The following TNPO1 variants were observed in gnomAD, a reference collection of about 807,000 sequenced individuals.
TNPO1 encodes the protein transportin 1.
TNPO1 carries 8 observed loss-of-function variants against 119.5 expected under a neutral mutation model. That is an observed-to-expected ratio of 0.07 (90% CI 0.04 to 0.12). The LOEUF is 0.12. TNPO1 is among the 10% of genes least tolerant of loss of function. The pLI, the probability that TNPO1 is intolerant of heterozygous loss-of-function variation, is 1.00. For synonymous variants in TNPO1, 362 were observed against 363.0 expected, an observed-to-expected ratio of 1.00 and a Z score of 0.03; for missense variants, 576 against 1,089.8, an observed-to-expected ratio of 0.53 and a Z score of 6.64.
At position 72,911,720 on chromosome 5, in the gene TNPO1, C is replaced by T. The variant is rs1354873128; in HGVS notation, c.*3047C>T. ...GCTTACTTCATCTGCTCCTTACACACTAAAATGCTGTTAGTGTGCTCAACT... is the reference window on the plus strand; with the variant it reads ...GCTTACTTCATCTGCTCCTTACACATTAAAATGCTGTTAGTGTGCTCAACT... On this transcript the variant is annotated 3_prime_UTR_variant, in exon 25 of 25. Transcript: ENST00000337273. 6.6e-6 allele frequency: 1 copy of T among 152,566 alleles called. No homozygotes were observed. Among genetic ancestry groups the T allele is most frequent in the Non-Finnish European group, 1.5e-5 (1 of 67,950 alleles). 9.5% of individuals were successfully genotyped at this position (152,566 alleles called of 1,614,324 possible).
intron 1 of TNPO1, among the ~76,000 whole-genome samples, chr5:72,846,746 G>C (rs1745147335): frequency 6.6e-6 from 1 of 152,176 alleles, no homozygotes; most frequent in South Asian, 2.1e-4. Context: ...TGGTTACACA[G>C]ATGGGTTCAC....
chr5:72,841,586 G>A (rs1249236405), intron 1 of TNPO1, among the ~76,000 whole-genome samples: 5 of 151,790 alleles, frequency 3.3e-5, no homozygotes, highest in African/African-American at 9.7e-5. Flanking sequence ...TGATCCGCCC[G>A]CCTCGGCTTC....
intron 1 of TNPO1, among the ~76,000 whole-genome samples, chr5:72,830,553 A>C (rs1238174714): frequency 6.6e-6 from 1 of 152,194 alleles, no homozygotes; most frequent in East Asian, 1.9e-4. Flanking sequence ...GAGATCCTGC[A>C]CATACAAGCA....
At chr5:72,888,367 A>T in intron 13 of TNPO1, 64 bp downstream of exon 13, 1 of 1,405,606 alleles carries the variant, frequency 7.1e-7, no homozygotes. Context: ...CAACCTTCTG[A>T]TGGAGTGTTG....
At position 72,883,042 on chromosome 5, in the gene TNPO1, A is replaced by G. The variant is rs557453986; in HGVS notation, c.982-22A>G. On this transcript the variant is annotated intron_variant, in intron 10 of 24. Transcript: ENST00000337273. ...TAGCCTATAATGAATGCCACCAAAA[A>G]TTTCTCTTAAAAAAACAACAGGGTG... is the stretch of plus-strand genomic sequence containing the variant. The G allele has an allele frequency of 8.1e-5, 130 of 1,597,018 alleles. 1 individual carries two copies. In the Admixed American group the frequency reaches 8.5e-4, roughly 10 times the overall value.
chr5:72,861,565 C>A (rs570503593), intron 4 of TNPO1, among the ~76,000 whole-genome samples: 1 of 152,214 alleles, frequency 6.6e-6, no homozygotes, highest in East Asian at 1.9e-4. Context: ...TCACGCCCAG[C>A]TGATTTTCTT....
intron 16 of TNPO1, 34 bp from the exon 17 acceptor site, chr5:72,893,343 C>T (rs574912120): frequency 1.2e-6 from 2 of 1,607,460 alleles, no homozygotes; most frequent in African/African-American, 2.7e-5. Flanking sequence ...TTAATTAAAA[C>T]CAAACTTACA....
intron 1 of TNPO1, among the ~76,000 whole-genome samples, chr5:72,821,119 A>G (rs1464100140): frequency 6.6e-6 from 1 of 152,214 alleles, no homozygotes; most frequent in Non-Finnish European, 1.5e-5. Context: ...ACAAGCAAAA[A>G]AATATGTGTT....
chr5:72,838,658 A>T (rs769527828), intron 1 of TNPO1, among the ~76,000 whole-genome samples: 69 of 152,154 alleles, frequency 4.5e-4, no homozygotes, highest in Non-Finnish European at 7.5e-4. Flanking sequence ...TCTTTTATGC[A>T]TGTCATCATA....
chr5:72,882,654 T>C (rs1162401124), intron 10 of TNPO1, 127 bp downstream of exon 10: 7 of 628,676 alleles, frequency 1.1e-5, no homozygotes, highest in Non-Finnish European at 1.9e-5. Flanking sequence ...TTATCCATAA[T>C]AGGATAGAAG....
intron 6 of TNPO1, among the ~76,000 whole-genome samples, chr5:72,865,985 T>G (rs1162709285): frequency 6.6e-6 from 1 of 152,258 alleles, no homozygotes; most frequent in African/African-American, 2.4e-5. Flanking sequence ...TCATGATAGT[T>G]AACAGGCATC....
chr5:72,853,782 A>G (rs1449969447), intron 3 of TNPO1, among the ~76,000 whole-genome samples: 2 of 152,174 alleles, frequency 1.3e-5, no homozygotes, highest in Admixed American at 6.5e-5. Context: ...TCTTAAATGA[A>G]AATGCTTATG....
intron 11 of TNPO1, among the ~76,000 whole-genome samples, chr5:72,883,997 G>A (rs1455158868): frequency 6.6e-6 from 1 of 151,676 alleles, no homozygotes; most frequent in Non-Finnish European, 1.5e-5. Flanking sequence ...CGATCCACCC[G>A]CCTTGCCCTC....
chr5:72,883,046 C>G lies in TNPO1; in HGVS notation c.982-18C>G, dbSNP rs115115607. ...CTATAATGAATGCCACCAAAAATTTCTCTTAAAAAAACAACAGGGTGATGT... is the reference window on the plus strand; with the variant it reads ...CTATAATGAATGCCACCAAAAATTTGTCTTAAAAAAACAACAGGGTGATGT... On this transcript the variant is annotated intron_variant, in intron 10 of 24. Transcript: ENST00000337273. The G allele has an allele frequency of 1.2e-6, 2 of 1,601,186 alleles. No homozygotes were observed. The highest frequency in any genetic ancestry group is 8.5e-7 in the Non-Finnish European group (1 of 1,170,852).
chr5:72,906,275 CTTTTTTTTTTTTTTTTTTTTT>C (rs869051297), intron 24 of TNPO1, among the ~76,000 whole-genome samples: 53 of 54,700 alleles, frequency 9.7e-4, no homozygotes, highest in Middle Eastern at 0.016. Context: ...TTTTTTTTTT[CTTTTTTTTTTTTTTTTTTTTT>C]TTTTTTTTTT....
chr5:72,820,715 C>G (rs1743920327), intron 1 of TNPO1, among the ~76,000 whole-genome samples: 1 of 152,126 alleles, frequency 6.6e-6, no homozygotes. Context: ...ACTTTTATAT[C>G]ATATACATAT....
At position 72,900,071 on chromosome 5, in the gene TNPO1, A is replaced by G; in HGVS notation, c.2404A>G (p.Ile802Val). Residue 802 changes from isoleucine (I) to valine (V), a missense_variant, in exon 21 of 25, where the codon ATA becomes GTA. Physicochemically the swap from Ile to Val is conservative, Grantham distance 29 (BLOSUM62 3). Transcript: ENST00000337273. ...GGTGGCCCCCATGCTACAGCAGTTT[A>G]TAAGACCCTGGTGTGTATTATTCAA... ...QEVAPMLQQFIRPWCTSLRNI... is the reference protein window; with the variant it reads ...QEVAPMLQQFVRPWCTSLRNI... 2 of 1,613,600 alleles carry G rather than the reference A, an allele frequency of 1.2e-6. No individual in the cohort carries two copies. Among genetic ancestry groups the G allele is most frequent in the South Asian group, 1.1e-5 (1 of 91,054 alleles).
In TNPO1 at chr5:72,912,258, A is replaced by G. The variant is rs1015740020; in HGVS notation, c.*3585A>G. On this transcript the variant is annotated 3_prime_UTR_variant, in exon 25 of 25. Coordinates refer to ENST00000337273, the MANE Select transcript of TNPO1 (RefSeq NM_002270.4). ...GCCATTACATCTTAAAAACAAAACA[A>G]GTAGCATACATTTTGTAATTAACAT... 1.3e-5 allele frequency: 2 copies of G among 152,526 alleles called. No individual in the cohort carries two copies. Among genetic ancestry groups the G allele is most frequent in the Non-Finnish European group, 2.9e-5 (2 of 67,934 alleles). 9.4% of individuals were successfully genotyped at this position (152,526 alleles called of 1,614,324 possible).
chr5:72,867,384 C>T (rs905446909), intron 6 of TNPO1, among the ~76,000 whole-genome samples: 5 of 113,254 alleles, frequency 4.4e-5, no homozygotes, highest in East Asian at 2.4e-4. Context: ...TACTCTTAAG[C>T]GTTCTCTCTC....
Sources: gnomAD v4.1 joint callset for allele counts (sites outside exome capture counted in the v4.1 genomes callset) on GRCh38, gnomAD v4.1.1 for gene constraint, MANE v1.5 for transcripts, NCBI Gene and HGNC (gene_info 2026-07-23, HGNC 2026-07-21) for gene names.